The following ANAPC13 variants were observed in gnomAD, a reference collection of about 807,000 sequenced individuals.
ANAPC13 encodes anaphase-promoting complex subunit 13.
ANAPC13 carries 9 observed loss-of-function variants against 9.6 expected under a neutral mutation model. The observed-to-expected ratio is 0.94, with a 90% CI of 0.57 to 1.64. The LOEUF (loss-of-function observed/expected upper bound fraction) is 1.64, where lower values mean the gene tolerates loss of function less well. ANAPC13 is among the 40% of genes most tolerant of loss of function. The pLI is 0.00. For missense variants in ANAPC13, 75 were observed against 85.3 expected, an observed-to-expected ratio of 0.88 and a Z score of 0.48; for synonymous variants, 30 against 29.7, an observed-to-expected ratio of 1.01 and a Z score of -0.03.
At chr3:134,483,449 AG>A (rs1000813621) in intron 1 of ANAPC13, among the ~76,000 whole-genome samples, 1 of 152,212 alleles carries the variant, frequency 6.6e-6, no homozygotes, top group African/African-American at 2.4e-5. Context: ...GGTGAACACC[AG>A]TGGTAGAACC....
intron 2 of ANAPC13, among the ~76,000 whole-genome samples, chr3:134,482,054 T>C (rs1237962967): frequency 1.3e-5 from 2 of 152,234 alleles, no homozygotes; most frequent in Non-Finnish European, 2.9e-5. Flanking sequence ...AAAATACAGA[T>C]GAACTATTTT....
intron 1 of ANAPC13, 62 bp from the exon 2 acceptor site, chr3:134,482,993 T>A: frequency 8.6e-7 from 1 of 1,157,954 alleles, no homozygotes; most frequent in Non-Finnish European, 1.3e-6. Flanking sequence ...AATCCACTAT[T>A]AGGATTCTCC....
chr3:134,484,507 C>A (rs1934907497), intron 1 of ANAPC13, among the ~76,000 whole-genome samples: 1 of 152,160 alleles, frequency 6.6e-6, no homozygotes, highest in Admixed American at 6.5e-5. Context: ...AGGGTTTACA[C>A]CCCCATGACA....
At chr3:134,483,922 T>C (rs1014421357) in intron 1 of ANAPC13, among the ~76,000 whole-genome samples, 1 of 152,236 alleles carries the variant, frequency 6.6e-6, no homozygotes. Flanking sequence ...GGAAGCCATT[T>C]CCTTTACAAG....
rs2107698535 is a variant in ANAPC13 at position 134,478,510 on chromosome 3, GTTTGAA to G, written c.*74_*79del. On this transcript the variant is annotated 3_prime_UTR_variant, in exon 3 of 3. Coordinates refer to ENST00000354910, the MANE Select transcript of ANAPC13 (RefSeq NM_015391.4). ...TTGAGTGCTGATTTATTACTCAAAG[GTTTGAA>G]TTTGGAGACTGAAACAAACCATGCT... The G allele has an allele frequency of 6.6e-7, 1 of 1,521,748 alleles. No homozygotes were observed. The highest frequency in any genetic ancestry group is 1.4e-5 in the African/African-American group (1 of 71,698). The allele number at this position is 1,521,748 out of a possible 1,614,324, so 94.3% of individuals were successfully genotyped here.
intron 1 of ANAPC13, chr3:134,483,386 G>A (rs776463094): frequency 7.7e-5 from 12 of 155,840 alleles, no homozygotes; most frequent in Non-Finnish European, 1.6e-4. Context: ...TAAAGGAAAC[G>A]GCTTCCTTCC....
At chr3:134,483,609 T>C (rs1311509760) in intron 1 of ANAPC13, among the ~76,000 whole-genome samples, 1 of 152,232 alleles carries the variant, frequency 6.6e-6, no homozygotes, top group Non-Finnish European at 1.5e-5. Flanking sequence ...CCATGGCTGA[T>C]TCCCCATTTT....
At chr3:134,481,634 C>T (rs1213046780) in intron 2 of ANAPC13, among the ~76,000 whole-genome samples, 1 of 152,082 alleles carries the variant, frequency 6.6e-6, no homozygotes, top group African/African-American at 2.4e-5. Context: ...GGAACTGTAT[C>T]TTATGTTCAC....
intron 1 of ANAPC13, among the ~76,000 whole-genome samples, chr3:134,484,796 A>AT (rs1194405364): frequency 1.3e-5 from 2 of 152,110 alleles, no homozygotes; most frequent in African/African-American, 4.8e-5. Flanking sequence ...GCCCACGTAG[A>AT]TTTTCCACCT....
chr3:134,479,630 C>T (rs550190903), intron 2 of ANAPC13, among the ~76,000 whole-genome samples: 11 of 152,150 alleles, frequency 7.2e-5, no homozygotes, highest in Middle Eastern at 6.8e-3. Context: ...ATTACAGGCG[C>T]GAGCCACCGC....
chr3:134,480,734 C>T (rs911706272), intron 2 of ANAPC13, among the ~76,000 whole-genome samples: 2 of 152,212 alleles, frequency 1.3e-5, no homozygotes, highest in African/African-American at 4.8e-5. Flanking sequence ...CTAGATTACC[C>T]AGCCTCCAGA....
chr3:134,482,732 A>C, intron 2 of ANAPC13, 74 bp downstream of exon 2: 1 of 1,200,728 alleles, frequency 8.3e-7, no homozygotes, highest in Non-Finnish European at 1.2e-6. Flanking sequence ...TTTATCTTCC[A>C]TTGATATCCC....
chr3:134,482,801 C>A lies in ANAPC13; in HGVS notation c.99+5G>T. ...AACCCATCCTCAGCTCAAATCATAA[C>A]CTACCAGTGGTATTGCGACATCCTC... On this transcript the variant is annotated splice_donor_5th_base_variant and intron_variant, in intron 2 of 2. Coordinates refer to ENST00000354910, the MANE Select transcript of ANAPC13 (RefSeq NM_015391.4). 6.2e-7 allele frequency: 1 copy of A among 1,613,398 alleles called. No individual in the cohort carries two copies. Among genetic ancestry groups the A allele is most frequent in the Non-Finnish European group, 8.5e-7 (1 of 1,179,304 alleles).
chr3:134,485,991 G>GCCCCCCCCCCCCCCCC (rs5852785), upstream of ANAPC13: 1 of 846,590 alleles, frequency 1.2e-6, no homozygotes, highest in African/African-American at 1.9e-5. Flanking sequence ...CTCCTGCCAC[G>GCCCCCCCCCCCCCCCC]CCCCCCCCCC....
At chr3:134,484,858 A>G (rs1934949564) in intron 1 of ANAPC13, among the ~76,000 whole-genome samples, 1 of 151,336 alleles carries the variant, frequency 6.6e-6, no homozygotes, top group South Asian at 2.1e-4. Context: ...CTATCCTTGA[A>G]CTCTTGCTTC....
chr3:134,483,135 T>C (rs1455858345), intron 1 of ANAPC13: 5 of 552,012 alleles, frequency 9.1e-6, no homozygotes, highest in African/African-American at 1.9e-5. Context: ...TGGACAGGCA[T>C]AGCCCAGCTG....
rs1224300365 is a variant in ANAPC13 at position 134,482,829 on chromosome 3, A to G, written c.76T>C (p.Tyr26His). 5 of 1,614,114 alleles carry G rather than the reference A, an allele frequency of 3.1e-6. No individual in the cohort carries two copies. The highest frequency in any genetic ancestry group is 4.2e-6 in the Non-Finnish European group (5 of 1,179,996). Residue 26 changes from tyrosine to histidine, a missense_variant, in exon 2 of 3, where the codon TAT becomes CAT. By Grantham distance (83) the Tyr-to-His change is moderately conservative (BLOSUM62 2). Coordinates refer to ENST00000354910, the MANE Select transcript of ANAPC13 (RefSeq NM_015391.4). The part of the protein sequence containing the change: ...DDAWREDKLP[Y>H]EDVAIPLNEL... ...ACCAGTGGTATTGCGACATCCTCAT[A>G]AGGCAGCTTGTCTTCTCGCCAAGCA...
chr3:134,482,119 A>C (rs1204730169), intron 2 of ANAPC13, among the ~76,000 whole-genome samples: 2 of 152,230 alleles, frequency 1.3e-5, no homozygotes, highest in Non-Finnish European at 2.9e-5. Flanking sequence ...TATTTTATTC[A>C]ATACTAACTA....
chr3:134,481,122 C>T (rs988322184), intron 2 of ANAPC13, among the ~76,000 whole-genome samples: 5 of 152,224 alleles, frequency 3.3e-5, no homozygotes, highest in South Asian at 4.1e-4. Flanking sequence ...ACCACAACAG[C>T]TTGCCAATTG....
Sources: allele counts gnomAD v4.1 joint callset (sites outside exome capture counted in the v4.1 genomes callset), GRCh38; gene constraint gnomAD v4.1.1; transcripts MANE v1.5; gene names NCBI Gene and HGNC (gene_info 2026-07-23, HGNC 2026-07-21).